The following UTP4 variants were observed in gnomAD, a reference collection of about 807,000 sequenced individuals.
The protein encoded by UTP4 is UTP4 small subunit processome component, also known as U3 small nucleolar RNA-associated protein 4 homolog.
A neutral mutation model predicts 82.4 loss-of-function variants in UTP4; 45 were observed. The observed-to-expected ratio is 0.55, with a 90% CI of 0.43 to 0.70. UTP4 has a LOEUF of 0.70. Ranked by LOEUF, UTP4 falls within the 30% of genes least tolerant of loss-of-function variation. The probability of loss-of-function intolerance (pLI) is 0.00; values close to 1 mark genes in which losing one functional copy is unlikely to be tolerated. For synonymous variants in UTP4, 348 were observed against 300.3 expected, an observed-to-expected ratio of 1.16 and a Z score of -1.64; for missense variants, 819 against 858.3, an observed-to-expected ratio of 0.95 and a Z score of 0.57.
chr16:69,153,602 T>C lies in UTP4; in HGVS notation c.1021T>C (p.Ser341Pro). ...GATATAGCGATGTCTCATCTCCTGT[T>C]CTAAAAAGAGGCAGCTTCTCCTCTT... The part of the protein sequence containing the change: ...TFPHRCLISC[S>P]KKRQLLLFQF... Residue 341 changes from serine to proline, a missense_variant, in exon 9 of 17, where the codon TCT becomes CCT. Coordinates refer to ENST00000314423, the MANE Select transcript of UTP4 (RefSeq NM_032830.3). 1 of 1,613,246 alleles carries C rather than the reference T, an allele frequency of 6.2e-7. No homozygotes were observed. Among genetic ancestry groups the C allele is most frequent in the South Asian group, 1.1e-5 (1 of 90,796 alleles).
At chr16:69,158,305 C>T (rs1963477199) in intron 12 of UTP4, among the ~76,000 whole-genome samples, 1 of 149,884 alleles carries the variant, frequency 6.7e-6, no homozygotes, top group African/African-American at 2.5e-5. Context: ...CCCAAGTACA[C>T]AGGAGCATAC....
intron 16 of UTP4, among the ~76,000 whole-genome samples, chr16:69,168,619 T>G (rs1446414620): frequency 6.6e-6 from 1 of 151,564 alleles, no homozygotes; most frequent in East Asian, 1.9e-4. Context: ...CATAGCAAGA[T>G]CTCTAAAAAA....
chr16:69,165,477 A>G lies in UTP4; in HGVS notation c.1784A>G (p.His595Arg), dbSNP rs1351244854. 1 of 1,614,152 alleles carries G rather than the reference A, an allele frequency of 6.2e-7. No homozygotes were observed. Among genetic ancestry groups the G allele is most frequent in the Non-Finnish European group, 8.5e-7 (1 of 1,179,978 alleles). ...AGTTTTCATCCCAAGAGACCGATGC[A>G]CATCCTTCTCCATGATGCCTACATG... ...HISFHPKRPM[H>R]ILLHDAYMFC... The change falls in exon 15 of 17, where the codon CAC becomes CGC. Residue 595 changes from histidine to arginine, a missense_variant. Physicochemically the swap from His to Arg is conservative, Grantham distance 29. Transcript: ENST00000314423.
Position 69,157,251 on chromosome 16 carries a change from G to C in UTP4, c.1444+11G>C. 1.2e-6 allele frequency: 2 copies of C among 1,613,592 alleles called. No homozygotes were observed. Among genetic ancestry groups the C allele is most frequent in the Non-Finnish European group, 1.7e-6 (2 of 1,179,858 alleles). ...TCCAGCCTCAGTCAGGTGGGAATCT[G>C]GTAACTGGCCATGGGGAGACTTGTC... On this transcript the variant is annotated intron_variant, in intron 12 of 16. Transcript: ENST00000314423.
chr16:69,150,469 C>A, intron 6 of UTP4, 68 bp from the exon 7 acceptor site: 1 of 1,563,298 alleles, frequency 6.4e-7, no homozygotes, highest in Non-Finnish European at 8.8e-7. Context: ...GACAGAAAGC[C>A]TCGGAATATT....
rs539423891 is a variant in UTP4, at chr16:69,133,105, C to G, written c.-2-353C>G. ...GCTCGGTTCTGCCTGCCCCATCAGC[C>G]TCACTGTCACTACCTCAGTTTAGGT... On this transcript the variant is annotated intron_variant, in intron 1 of 16. Transcript: ENST00000314423. The G allele has an allele frequency of 3.4e-5, 11 of 320,908 alleles. 1 individual carries two copies. The highest frequency in any genetic ancestry group is 3.0e-4 in the South Asian group (11 of 36,564). 19.9% of individuals were successfully genotyped at this position (320,908 alleles called of 1,614,324 possible). A position where few individuals can be genotyped will look rare whatever the true frequency, so the allele number is the denominator to read the frequency against.
At position 69,133,479 on chromosome 16, in the gene UTP4, A is replaced by G; in HGVS notation, c.20A>G (p.His7Arg). 1 of 1,614,226 alleles carries G rather than the reference A, an allele frequency of 6.2e-7. No homozygotes were observed. The highest frequency in any genetic ancestry group is 1.1e-5 in the South Asian group (1 of 91,090). Reference protein sequence around the residue: MGEFKVHRVRFFNYVPS... With the variant: MGEFKVRRVRFFNYVPS... ...CTAGGAATGGGTGAATTTAAGGTCC[A>G]TCGAGTACGTTTCTTTAATTATGTT... Residue 7 changes from histidine (H) to arginine (R), a missense_variant, in exon 2 of 17, where the codon CAT becomes CGT. Transcript: ENST00000314423.
At chr16:69,153,016 G>A (rs1431226201) in intron 8 of UTP4, among the ~76,000 whole-genome samples, 1 of 152,120 alleles carries the variant, frequency 6.6e-6, no homozygotes, top group African/African-American at 2.4e-5. Flanking sequence ...AGTTTCCTTA[G>A]TGTGTCTTAT....
intron 6 of UTP4, 137 bp downstream of exon 6, chr16:69,143,526 C>A: frequency 1.3e-6 from 1 of 778,518 alleles, no homozygotes. Flanking sequence ...TAGGAAAATG[C>A]ATCTGAAAAC....
At chr16:69,167,238 A>G in intron 16 of UTP4, 53 bp downstream of exon 16, 1 of 1,158,754 alleles carries the variant, frequency 8.6e-7, no homozygotes, top group Non-Finnish European at 1.3e-6. Context: ...GTGATACCAA[A>G]ATGTAATAAA....
chr16:69,145,633 G>A (rs533710949), intron 6 of UTP4, among the ~76,000 whole-genome samples: 71 of 151,854 alleles, frequency 4.7e-4, no homozygotes, highest in Non-Finnish European at 9.4e-4. Context: ...GAGTTCCTAA[G>A]CTGCTGGGTA....
In UTP4 at chr16:69,155,873, T is replaced by C. The variant is rs139814048; in HGVS notation, c.1167T>C (p.Gly389=). 3.0e-5 allele frequency: 48 copies of C among 1,614,194 alleles called. 1 individual carries two copies. The African/African-American group carries it at 5.2e-4, about 17-fold the overall frequency. ...ATCTTGATTCCTGATATTGCCAGGG[T>C]CCTGAGAACATTATCTGTAGCTGTA... ...ADHLLHLKTK[G]PENIICSCIS... The change falls in exon 11 of 17, where the codon GGT becomes GGC. Residue 389 remains glycine, a splice_region_variant and synonymous_variant. Transcript: ENST00000314423.
chr16:69,164,108 T>C, intron 14 of UTP4, among the ~76,000 whole-genome samples: 1 of 152,002 alleles, frequency 6.6e-6, no homozygotes, highest in East Asian at 1.9e-4. Context: ...ATGGTCTCGA[T>C]CTCCTGACCT....
rs34057086 is a variant in UTP4 at position 69,167,148 on chromosome 16, G to A, written c.1907G>A (p.Arg636His). Reference protein sequence around the residue: ...PTNESDVIRRRTAHAFKISKI... With the variant: ...PTNESDVIRRHTAHAFKISKI... ...AATGAATCAGATGTCATCCGGAGGC[G>A]CACAGCTCATGCTTTTAAAATTTCT... Residue 636 changes from arginine (R) to histidine (H), a missense_variant, in exon 16 of 17, where the codon CGC becomes CAC. By Grantham distance (29) the Arg-to-His change is conservative. Transcript: ENST00000314423. The A allele has an allele frequency of 2.8e-4, 444 of 1,612,900 alleles. 2 individuals carry two copies. In the African/African-American group the frequency reaches 4.5e-3, roughly 16 times the overall value.
At chr16:69,137,278 A>T (rs1420618771) in intron 3 of UTP4, among the ~76,000 whole-genome samples, 1 of 152,210 alleles carries the variant, frequency 6.6e-6, no homozygotes, top group East Asian at 1.9e-4. Flanking sequence ...TCCCTTCAGC[A>T]AGTTAACCTG....
chr16:69,154,454 A>G lies in UTP4; in HGVS notation c.1161A>G (p.Thr387=). The G allele has an allele frequency of 1.2e-6, 2 of 1,609,354 alleles. No individual in the cohort carries two copies. The highest frequency in any genetic ancestry group is 1.7e-6 in the Non-Finnish European group (2 of 1,175,776). The part of the protein sequence containing the change: ...KNADHLLHLK[T]KGPENIICSC... ...CAGATCATTTACTGCACCTAAAGAC[A>G]AAGGTAAGGAAGTTTGTTTAGGCTC... is the stretch of plus-strand genomic sequence containing the variant. The change falls in exon 10 of 17, where the codon ACA becomes ACG. Residue 387 remains threonine, a synonymous_variant. Coordinates refer to ENST00000314423, the MANE Select transcript of UTP4 (RefSeq NM_032830.3).
intron 14 of UTP4, among the ~76,000 whole-genome samples, chr16:69,163,913 T>C (rs1381603760): frequency 7.3e-6 from 1 of 136,412 alleles, no homozygotes; most frequent in African/African-American, 2.9e-5. Context: ...TGAGACAGAG[T>C]CTCGCTCTGT....
At chr16:69,156,280 G>A (rs558654865) in intron 11 of UTP4, among the ~76,000 whole-genome samples, 31 of 149,768 alleles carry the variant, frequency 2.1e-4, no homozygotes, top group African/African-American at 6.9e-4. Flanking sequence ...TCAGTCTCCC[G>A]AGTACCTGGG....
At position 69,150,611 on chromosome 16, in the gene UTP4, C is replaced by G. The variant is rs1963235096; in HGVS notation, c.813C>G (p.Asn271Lys). 6.2e-7 allele frequency: 1 copy of G among 1,614,234 alleles called. No individual in the cohort carries two copies. Residue 271 changes from asparagine (N) to lysine (K), a missense_variant, in exon 7 of 17, where the codon AAC (asparagine) becomes AAG (lysine). Physicochemically the swap from Asn to Lys is moderately conservative, Grantham distance 94. Transcript: ENST00000314423. ...TTCAGCTGGTCCCTGTGACATCTAA[C>G]AGCAGTGAGAAGCAGTGGGTGCGGA... ...FHFQLVPVTS[N>K]SSEKQWVRTK...
Sources: gnomAD v4.1 joint callset for allele counts (sites outside exome capture counted in the v4.1 genomes callset) on GRCh38, gnomAD v4.1.1 for gene constraint, MANE v1.5 for transcripts, NCBI Gene and HGNC (gene_info 2026-07-23, HGNC 2026-07-21) for gene names.